The following ACYP2 variants were observed in gnomAD, a reference collection of about 807,000 sequenced individuals.
ACYP2 encodes acylphosphatase 2, also known as acylphosphatase-2.
In ACYP2, 12 loss-of-function variants were observed where a neutral mutation model predicts 11.2. That is an observed-to-expected ratio of 1.08 (90% CI 0.69 to 1.74). ACYP2 has a LOEUF of 1.74. Ranked by LOEUF, ACYP2 falls within the 40% of genes most tolerant of loss-of-function variation. The pLI, the probability that ACYP2 is intolerant of heterozygous loss-of-function variation, is 0.00. For missense variants in ACYP2, 134 were observed against 101.9 expected (o/e 1.31, Z -1.35); for synonymous variants, 43 against 32.2 (o/e 1.33, Z -1.13).
At chr2:54,099,269 C>G (rs1312834479) in intron 4 of ACYP2, among the ~76,000 whole-genome samples, 1 of 152,166 alleles carries the variant, frequency 6.6e-6, no homozygotes, top group Non-Finnish European at 1.5e-5. Flanking sequence ...ACCTCAAATA[C>G]TTACTTTTGT....
At chr2:54,224,882 T>A (rs539715657) in intron 6 of ACYP2, among the ~76,000 whole-genome samples, 1 of 152,332 alleles carries the variant, frequency 6.6e-6, no homozygotes, top group East Asian at 1.9e-4. Flanking sequence ...TAACGTACAG[T>A]ACCTACAGAC....
chr2:54,094,774 G>C (rs1678428058), intron 4 of ACYP2, among the ~76,000 whole-genome samples: 1 of 151,930 alleles, frequency 6.6e-6, no homozygotes, highest in African/African-American at 2.4e-5. Flanking sequence ...CTGGCCTCAA[G>C]TGATCCGCCC....
chr2:54,135,321 A>T, intron 4 of ACYP2, 132 bp from the exon 2 acceptor site: 1 of 721,146 alleles, frequency 1.4e-6, no homozygotes, highest in Non-Finnish European at 2.3e-6. Context: ...CAGTTGATGG[A>T]GGATTAAGTG....
intron 6 of ACYP2, among the ~76,000 whole-genome samples, chr2:54,266,131 A>C (rs1688006529): frequency 6.6e-6 from 1 of 152,240 alleles, no homozygotes; most frequent in African/African-American, 2.4e-5. Context: ...TAAATTACAG[A>C]ACACCTTCAA....
intron 2 of ACYP2, among the ~76,000 whole-genome samples, chr2:53,991,533 G>A (rs536014353): frequency 2.6e-5 from 4 of 151,702 alleles, no homozygotes; most frequent in Non-Finnish European, 5.9e-5. Flanking sequence ...AGCCTCCTGA[G>A]TAGCTGGGAT....
intron 4 of ACYP2, 140 bp from the exon 2 acceptor site, chr2:54,135,313 G>A (rs1681157258): frequency 1.4e-6 from 1 of 702,978 alleles, no homozygotes; most frequent in East Asian, 2.8e-5. Flanking sequence ...TAGGACCACA[G>A]TTGATGGAGG....
At chr2:54,225,866 G>T (rs1157023330) in intron 6 of ACYP2, among the ~76,000 whole-genome samples, 1 of 152,120 alleles carries the variant, frequency 6.6e-6, no homozygotes, top group African/African-American at 2.4e-5. Flanking sequence ...GGGATGGAGT[G>T]AGGGGAGACA....
chr2:53,997,317 G>GT (rs1176424244), intron 2 of ACYP2, among the ~76,000 whole-genome samples: 2 of 151,962 alleles, frequency 1.3e-5, no homozygotes, highest in South Asian at 2.1e-4. Context: ...TATTATTATT[G>GT]TTTTTTGAGA....
chr2:54,173,392 TG>T (rs1683297412), intron 6 of ACYP2, among the ~76,000 whole-genome samples: 1 of 152,208 alleles, frequency 6.6e-6, no homozygotes, highest in Non-Finnish European at 1.5e-5. Context: ...TTGATGGGGT[TG>T]TTTTTTTCTT....
intron 2 of ACYP2, among the ~76,000 whole-genome samples, chr2:54,007,158 A>G (rs1376144278): frequency 2.7e-5 from 4 of 145,676 alleles, no homozygotes; most frequent in African/African-American, 9.9e-5. Flanking sequence ...AAAAAAAAAA[A>G]AAAAAAGAAA....
intron 6 of ACYP2, among the ~76,000 whole-genome samples, chr2:54,201,682 C>G (rs866109459): frequency 3.8e-4 from 42 of 110,842 alleles, no homozygotes; most frequent in Middle Eastern, 8.6e-3. Context: ...TTCTTTCTTT[C>G]TCTCTCTCTC....
chr2:54,034,365 C>G (rs1253590567), intron 2 of ACYP2, among the ~76,000 whole-genome samples: 2 of 152,006 alleles, frequency 1.3e-5, no homozygotes, highest in Non-Finnish European at 2.9e-5. Context: ...CCTCTACCCC[C>G]CAAAATAAGA....
At chr2:54,236,095 T>G (rs568272118) in intron 6 of ACYP2, among the ~76,000 whole-genome samples, 2 of 151,186 alleles carry the variant, frequency 1.3e-5, no homozygotes, top group Non-Finnish European at 3.0e-5. Context: ...TTTCTGGAAT[T>G]TTTTTTGTTT....
intron 4 of ACYP2, among the ~76,000 whole-genome samples, chr2:54,127,263 C>T (rs528593181): frequency 2.6e-4 from 40 of 152,252 alleles, no homozygotes; most frequent in Non-Finnish European, 4.9e-4. Flanking sequence ...CTATGTTTTG[C>T]ATACATGGAA....
At chr2:54,242,367 T>C (rs1044277439) in intron 6 of ACYP2, among the ~76,000 whole-genome samples, 1 of 152,234 alleles carries the variant, frequency 6.6e-6, no homozygotes, top group African/African-American at 2.4e-5. Flanking sequence ...AACTGAAGGC[T>C]TGTCTTGCCC....
intron 4 of ACYP2, among the ~76,000 whole-genome samples, chr2:54,129,183 G>A (rs912526429): frequency 2.6e-5 from 4 of 152,078 alleles, no homozygotes; most frequent in African/African-American, 9.7e-5. Flanking sequence ...GGTACTAATC[G>A]TATCCCCAGA....
chr2:54,065,257 A>G (rs1676688086), intron 4 of ACYP2, among the ~76,000 whole-genome samples: 1 of 152,194 alleles, frequency 6.6e-6, no homozygotes, highest in South Asian at 2.1e-4. Context: ...GTTAAGGAAA[A>G]GAGAGGCATC....
At chr2:54,110,814 G>A (rs891504783) in intron 4 of ACYP2, among the ~76,000 whole-genome samples, 1 of 151,902 alleles carries the variant, frequency 6.6e-6, no homozygotes, top group Non-Finnish European at 1.5e-5. Context: ...CTGAGAACTC[G>A]GTGTTTACTC....
intron 6 of ACYP2, among the ~76,000 whole-genome samples, chr2:54,247,374 AC>A (rs1184051312): frequency 6.6e-6 from 1 of 152,196 alleles, no homozygotes; most frequent in African/African-American, 2.4e-5. Context: ...TGGACAAAGT[AC>A]ATTGTCTTCC....
Sources: gnomAD v4.1 joint callset for allele counts (sites outside exome capture counted in the v4.1 genomes callset) on GRCh38, gnomAD v4.1.1 for gene constraint, MANE v1.5 for transcripts, NCBI Gene and HGNC (gene_info 2026-07-23, HGNC 2026-07-21) for gene names.